Variants in LRRC7 observed in about 807,000 individuals in gnomAD.
LRRC7 encodes leucine-rich repeat-containing protein 7.
In LRRC7, 23 loss-of-function variants were observed where a neutral mutation model predicts 175.7. The ratio of observed to expected loss-of-function variants is 0.13; its 90% confidence interval spans 0.09 to 0.19. The LOEUF (loss-of-function observed/expected upper bound fraction) is 0.19. Among genes scored for constraint, LRRC7 ranks in the 10% least tolerant of loss-of-function variants. The pLI is 1.00. For missense variants in LRRC7, 1,354 were observed against 1,904.7 expected (o/e 0.71, Z 5.38); for synonymous variants, 685 against 680.9 (o/e 1.01, Z -0.09).
chr1:70,121,726 G>A lies in LRRC7; in HGVS notation c.4621-54G>A, dbSNP rs991791285. The stretch of plus-strand genomic sequence containing the variant: ...CGTGAATTTTATGAATAGAAACAAC[G>A]ATACAGTGATAATAGTTTACATTGA... On this transcript the variant is annotated intron_variant, in intron 26 of 26. Transcript: ENST00000651989. 1.3e-5 allele frequency: 15 copies of A among 1,157,024 alleles called. No homozygotes were observed. In the East Asian group the frequency reaches 1.9e-4, roughly 15 times the overall value. 71.7% of individuals were successfully genotyped at this position (1,157,024 alleles called of 1,614,324 possible).
intron 7 of LRRC7, among the ~76,000 whole-genome samples, chr1:69,861,169 G>A (rs567040659): frequency 3.3e-5 from 5 of 152,080 alleles, no homozygotes; most frequent in South Asian, 2.1e-4. Context: ...TATATACAAA[G>A]CATTTTTAAA....
intron 23 of LRRC7, among the ~76,000 whole-genome samples, chr1:70,068,778 A>G (rs1261788410): frequency 6.6e-6 from 1 of 152,060 alleles, no homozygotes; most frequent in Non-Finnish European, 1.5e-5. Flanking sequence ...TTGCAGTAGT[A>G]CAATCATAGC....
chr1:69,667,440 T>G (rs1658427049), intron 1 of LRRC7, among the ~76,000 whole-genome samples: 4 of 152,150 alleles, frequency 2.6e-5, no homozygotes. Flanking sequence ...GGGTTCTATC[T>G]CTCTCTTTAG....
intron 7 of LRRC7, among the ~76,000 whole-genome samples, chr1:69,844,641 G>T (rs949370357): frequency 6.6e-6 from 1 of 152,070 alleles, no homozygotes; most frequent in Non-Finnish European, 1.5e-5. Flanking sequence ...ATGATGCAAT[G>T]AACACGGGAG....
chr1:69,603,887 T>TC (rs1360724012), intron 1 of LRRC7, among the ~76,000 whole-genome samples: 1 of 152,174 alleles, frequency 6.6e-6, no homozygotes, highest in Non-Finnish European at 1.5e-5. Flanking sequence ...TGTGCCTTTT[T>TC]CTTCCTTTAT....
intron 1 of LRRC7, among the ~76,000 whole-genome samples, chr1:69,630,461 TC>T (rs1652307536): frequency 6.6e-6 from 1 of 152,184 alleles, no homozygotes; most frequent in South Asian, 2.1e-4. Flanking sequence ...TGCCAGCCCA[TC>T]TACAGTCCAG....
chr1:69,991,346 G>A (rs1256191399), intron 10 of LRRC7, among the ~76,000 whole-genome samples: 1 of 152,122 alleles, frequency 6.6e-6, no homozygotes. Flanking sequence ...ACTAGGATAG[G>A]TAGGTGGTAT....
intron 24 of LRRC7, among the ~76,000 whole-genome samples, chr1:70,085,041 A>G (rs1030274447): frequency 9.2e-5 from 14 of 152,160 alleles, no homozygotes; most frequent in Non-Finnish European, 1.3e-4. Context: ...TTCTGGATAT[A>G]CAACCCTAAT....
intron 8 of LRRC7, among the ~76,000 whole-genome samples, chr1:69,976,195 A>G (rs1652800598): frequency 6.6e-6 from 1 of 152,166 alleles, no homozygotes; most frequent in Non-Finnish European, 1.5e-5. Flanking sequence ...TTTATTAAGT[A>G]GTATTAACTC....
chr1:69,906,288 C>G (rs1052412444), intron 7 of LRRC7, among the ~76,000 whole-genome samples: 5 of 152,120 alleles, frequency 3.3e-5, no homozygotes, highest in African/African-American at 1.2e-4. Context: ...TCAATTTTGG[C>G]TTTTGTTGCC....
intron 4 of LRRC7, among the ~76,000 whole-genome samples, chr1:69,802,083 C>A (rs1202025289): frequency 6.6e-6 from 1 of 151,386 alleles, no homozygotes; most frequent in South Asian, 2.1e-4. Context: ...TGAGAATATA[C>A]TTAATATGAT....
chr1:69,894,945 G>A (rs1357493844), intron 7 of LRRC7, among the ~76,000 whole-genome samples: 1 of 152,168 alleles, frequency 6.6e-6, no homozygotes, highest in Admixed American at 6.6e-5. Flanking sequence ...TAAAAATTTA[G>A]GCCGGGGGGC....
chr1:70,074,710 T>TGGTTGTTTA (rs1344934868), intron 23 of LRRC7, among the ~76,000 whole-genome samples: 1 of 152,192 alleles, frequency 6.6e-6, no homozygotes, highest in Non-Finnish European at 1.5e-5. Flanking sequence ...TATAATCAAA[T>TGGTTGTTTA]GGTTGTTTAT....
At chr1:69,691,090 G>T (rs1661796642) in intron 2 of LRRC7, among the ~76,000 whole-genome samples, 1 of 152,150 alleles carries the variant, frequency 6.6e-6, no homozygotes, top group African/African-American at 2.4e-5. Context: ...TCTTGTAACA[G>T]GGTCTGGGTG....
intron 21 of LRRC7, among the ~76,000 whole-genome samples, chr1:70,040,805 C>T (rs994458891): frequency 6.6e-6 from 1 of 151,846 alleles, no homozygotes; most frequent in Non-Finnish European, 1.5e-5. Context: ...CAAAGTGAGA[C>T]TCTGTCTTGG....
intron 7 of LRRC7, among the ~76,000 whole-genome samples, chr1:69,851,532 G>A (rs1206376984): frequency 6.6e-6 from 1 of 152,122 alleles, no homozygotes; most frequent in Non-Finnish European, 1.5e-5. Context: ...GATGTCCGTA[G>A]AAGCAGGGAC....
intron 1 of LRRC7, among the ~76,000 whole-genome samples, chr1:69,665,096 T>A (rs1451844427): frequency 6.6e-6 from 1 of 152,158 alleles, no homozygotes; most frequent in Non-Finnish European, 1.5e-5. Flanking sequence ...GGCACCTTCA[T>A]CAAAAATGAG....
intron 2 of LRRC7, among the ~76,000 whole-genome samples, chr1:69,727,694 A>G (rs1284605856): frequency 6.6e-6 from 1 of 152,124 alleles, no homozygotes; most frequent in Non-Finnish European, 1.5e-5. Flanking sequence ...ATAAACCAAG[A>G]CTTGATGTAT....
At chr1:69,720,258 A>T (rs1666205048) in intron 2 of LRRC7, among the ~76,000 whole-genome samples, 1 of 151,284 alleles carries the variant, frequency 6.6e-6, no homozygotes. Flanking sequence ...TAATTTGTTA[A>T]TTTATTAGAT....
Sources: gnomAD v4.1 joint callset for allele counts (sites outside exome capture counted in the v4.1 genomes callset) on GRCh38, gnomAD v4.1.1 for gene constraint, MANE v1.5 for transcripts, NCBI Gene and HGNC (gene_info 2026-07-23, HGNC 2026-07-21) for gene names.